The following STIM1 variants were observed in gnomAD, a reference collection of about 807,000 sequenced individuals.
STIM1 encodes stromal interaction molecule 1.
A neutral mutation model predicts 74.7 loss-of-function variants in STIM1; 25 were observed. The observed-to-expected ratio is 0.33, with a 90% CI of 0.24 to 0.47. The LOEUF (loss-of-function observed/expected upper bound fraction) is 0.47. STIM1 is among the 20% of genes least tolerant of loss of function. STIM1 has a pLI of 1.00. For synonymous variants in STIM1, 328 were observed against 348.8 expected, an observed-to-expected ratio of 0.94 and a Z score of 0.66; for missense variants, 728 against 920.8, an observed-to-expected ratio of 0.79 and a Z score of 2.71.
At chr11:4,012,686 T>C (rs2093850240) in intron 2 of STIM1, among the ~76,000 whole-genome samples, 1 of 152,208 alleles carries the variant, frequency 6.6e-6, no homozygotes, top group African/African-American at 2.4e-5. Flanking sequence ...ACAATTTGAC[T>C]TCCTCTTTTC....
At chr11:3,994,288 T>C (rs1384133634) in intron 2 of STIM1, among the ~76,000 whole-genome samples, 4 of 152,196 alleles carry the variant, frequency 2.6e-5, no homozygotes, top group Admixed American at 2.0e-4. Context: ...TTTCAAACTT[T>C]CTCATTGCCT....
intron 1 of STIM1, among the ~76,000 whole-genome samples, chr11:3,884,240 T>G (rs1590524801): frequency 1.3e-5 from 2 of 152,192 alleles, no homozygotes; most frequent in African/African-American, 2.4e-5. Flanking sequence ...GGAGTTTCTT[T>G]GTCTATAAAA....
chr11:4,021,816 A>G (rs1048710718), intron 2 of STIM1, among the ~76,000 whole-genome samples: 1 of 152,176 alleles, frequency 6.6e-6, no homozygotes, highest in Non-Finnish European at 1.5e-5. Flanking sequence ...ACCCATGTAC[A>G]TAGGGTATCT....
chr11:4,005,217 G>A (rs1206634203), intron 2 of STIM1, among the ~76,000 whole-genome samples: 6 of 152,252 alleles, frequency 3.9e-5, no homozygotes, highest in Non-Finnish European at 2.9e-5. Context: ...ATTTGACCCA[G>A]CCATCCCATT....
intron 1 of STIM1, chr11:3,961,675 A>G (rs897527555): frequency 6.6e-6 from 1 of 151,864 alleles, no homozygotes; most frequent in Non-Finnish European, 1.5e-5. Context: ...CACCTGGCTA[A>G]TTTTTGTATT....
Position 4,055,624 on chromosome 11 carries a change from C to T in STIM1, c.484C>T (p.His162Tyr). 6.3e-7 allele frequency: 1 copy of T among 1,586,744 alleles called. No homozygotes were observed. Among genetic ancestry groups the T allele is most frequent in the Non-Finnish European group, 8.6e-7 (1 of 1,166,736 alleles). Residue 162 changes from histidine (H) to tyrosine (Y), a missense_variant, in exon 4 of 13, where the codon CAT (histidine) becomes TAT (tyrosine). This residue lies in a region of STIM1 where 132 missense variants were observed against 158.2 expected (regional missense o/e 0.83). Transcript: ENST00000526596. ...ETFRKLQLSG[H>Y]AMPRLAVTNT... ...CTTCCGGAAGCTGCAGCTCAGTGGC[C>T]ATGCCATGCCAAGGTCAGGAGGGGA... is the stretch of plus-strand genomic sequence containing the variant.
intron 1 of STIM1, among the ~76,000 whole-genome samples, chr11:3,906,674 C>G (rs2092470425): frequency 1.3e-5 from 2 of 152,056 alleles, no homozygotes; most frequent in South Asian, 4.1e-4. Context: ...TGTCTAGGTG[C>G]TTTAGAAATA....
rs1291813546 is a variant in STIM1, at chr11:3,984,410, C to CT, written c.270+16731dup. Among the ~76,000 whole-genome samples, 53 of 152,264 alleles carry CT rather than the reference C, an allele frequency of 3.5e-4. 1 individual carries two copies. The highest frequency in any genetic ancestry group is 3.5e-3 in the Admixed American group (53 of 15,306). ...GCATGGATTGAAGTCTGCTCAGGCC[C>CT]TTTGGACAGAACAGAGATAGCTGAC... On this transcript the variant is annotated intron_variant, in intron 2 of 12. Coordinates refer to ENST00000526596, the MANE Select transcript of STIM1 (RefSeq NM_001382567.1).
chr11:3,896,061 C>T (rs1396443307), intron 1 of STIM1, among the ~76,000 whole-genome samples: 6 of 151,584 alleles, frequency 4.0e-5, no homozygotes, highest in African/African-American at 1.2e-4. Flanking sequence ...CCCACCACCA[C>T]ACCCGGCTAA....
At chr11:3,923,885 C>G (rs2092751676) in intron 1 of STIM1, among the ~76,000 whole-genome samples, 1 of 152,008 alleles carries the variant, frequency 6.6e-6, no homozygotes, top group South Asian at 2.1e-4. Context: ...AAGAAAAACC[C>G]CTGTTGGGAT....
chr11:3,959,504 A>G (rs2135706127), intron 1 of STIM1, among the ~76,000 whole-genome samples: 1 of 152,296 alleles, frequency 6.6e-6, no homozygotes, highest in African/African-American at 2.4e-5. Context: ...TGGTAGTGGT[A>G]ATATTATAAT....
At chr11:3,918,246 T>C (rs1313806802) in intron 1 of STIM1, among the ~76,000 whole-genome samples, 1 of 152,092 alleles carries the variant, frequency 6.6e-6, no homozygotes, top group Non-Finnish European at 1.5e-5. Flanking sequence ...GCCTGGCATG[T>C]TGGTTCAAGC....
chr11:4,014,160 C>A (rs1367191523), intron 2 of STIM1, among the ~76,000 whole-genome samples: 1 of 152,076 alleles, frequency 6.6e-6, no homozygotes, highest in Non-Finnish European at 1.5e-5. Context: ...GATTTTAGAT[C>A]TTTTTTGCTT....
At chr11:3,862,683 T>A (rs1195595492) in intron 1 of STIM1, among the ~76,000 whole-genome samples, 1 of 152,010 alleles carries the variant, frequency 6.6e-6, no homozygotes, top group East Asian at 1.9e-4. Flanking sequence ...CCTGACCTCG[T>A]GATCTGTCCG....
At chr11:3,920,781 C>CTT (rs539182387) in intron 1 of STIM1, among the ~76,000 whole-genome samples, 90 of 146,912 alleles carry the variant, frequency 6.1e-4, no homozygotes, top group African/African-American at 2.2e-3. Flanking sequence ...CCTGAAGTAT[C>CTT]TTTTTTTTTT....
At chr11:3,920,750 G>C (rs1430283999) in intron 1 of STIM1, among the ~76,000 whole-genome samples, 2 of 152,040 alleles carry the variant, frequency 1.3e-5, no homozygotes, top group East Asian at 3.9e-4. Flanking sequence ...TTCTGGGACA[G>C]ATGGTGGAGA....
chr11:4,066,010 AT>A (rs1158871636), intron 5 of STIM1, among the ~76,000 whole-genome samples: 1 of 152,144 alleles, frequency 6.6e-6, no homozygotes, highest in Non-Finnish European at 1.5e-5. Flanking sequence ...GAAAATTCTT[AT>A]TATTACCCCT....
At chr11:3,891,876 A>G (rs747219477) in intron 1 of STIM1, among the ~76,000 whole-genome samples, 2 of 152,230 alleles carry the variant, frequency 1.3e-5, no homozygotes, top group Admixed American at 6.5e-5. Flanking sequence ...GCTATACCGC[A>G]AGTTGTAGCA....
At chr11:4,050,828 T>TTA (rs1218301471) in intron 3 of STIM1, among the ~76,000 whole-genome samples, 1 of 152,182 alleles carries the variant, frequency 6.6e-6, no homozygotes, top group African/African-American at 2.4e-5. Context: ...GTTATATGTA[T>TTA]TATATACTGT....
Sources: allele counts gnomAD v4.1 joint callset (sites outside exome capture counted in the v4.1 genomes callset), GRCh38; gene constraint gnomAD v4.1.1; regional missense constraint gnomAD v4.1.1; transcripts MANE v1.5; gene names NCBI Gene and HGNC (gene_info 2026-07-23, HGNC 2026-07-21).